GIPC2: variants seen among roughly 807,000 people sequenced by gnomAD.
The protein encoded by GIPC2 is PDZ domain-containing protein GIPC2.
GIPC2 carries 30 observed loss-of-function variants against 30.6 expected under a neutral mutation model. That is an observed-to-expected ratio of 0.98 (90% CI 0.73 to 1.33). GIPC2 has a LOEUF of 1.33. Ranked by LOEUF, GIPC2 falls within the 40% of genes most tolerant of loss-of-function variation. The probability of loss-of-function intolerance (pLI) is 0.00; values close to 1 mark genes in which losing one functional copy is unlikely to be tolerated. For synonymous variants in GIPC2, 167 were observed against 150.0 expected (o/e 1.11, Z -0.83); for missense variants, 414 against 390.3 (o/e 1.06, Z -0.51).
At chr1:78,131,051 G>C (rs941687430) in intron 5 of GIPC2, among the ~76,000 whole-genome samples, 3 of 152,086 alleles carry the variant, frequency 2.0e-5, no homozygotes, top group Non-Finnish European at 4.4e-5. Context: ...TGCCCAGGCT[G>C]ATCTCAAAAT....
intron 3 of GIPC2, among the ~76,000 whole-genome samples, chr1:78,098,920 A>G (rs2100386236): frequency 6.6e-6 from 1 of 152,214 alleles, no homozygotes; most frequent in East Asian, 1.9e-4. Context: ...GGCCTCTAGA[A>G]CTCTGAGAAA....
intron 3 of GIPC2, among the ~76,000 whole-genome samples, chr1:78,116,898 A>T (rs1345189444): frequency 6.6e-6 from 1 of 150,916 alleles, no homozygotes; most frequent in Non-Finnish European, 1.5e-5. Flanking sequence ...GTCAAATGGT[A>T]TTTCTAGTTC....
intron 3 of GIPC2, among the ~76,000 whole-genome samples, chr1:78,102,151 G>A (rs1329211239): frequency 1.3e-5 from 2 of 152,144 alleles, no homozygotes; most frequent in African/African-American, 4.8e-5. Context: ...AGCATTTATG[G>A]TCTTTATTTT....
intron 1 of GIPC2, among the ~76,000 whole-genome samples, chr1:78,068,086 A>G (rs1661552909): frequency 6.6e-6 from 1 of 152,220 alleles, no homozygotes; most frequent in South Asian, 2.1e-4. Context: ...CAATTTATTC[A>G]GAATTGTTTT....
intron 3 of GIPC2, among the ~76,000 whole-genome samples, chr1:78,105,659 A>T (rs1662336761): frequency 6.6e-6 from 1 of 152,162 alleles, no homozygotes; most frequent in African/African-American, 2.4e-5. Flanking sequence ...ATAGTTTTCA[A>T]CTGTTTTTAA....
intron 1 of GIPC2, among the ~76,000 whole-genome samples, chr1:78,063,063 A>G (rs1263496546): frequency 6.6e-6 from 1 of 152,182 alleles, no homozygotes; most frequent in African/African-American, 2.4e-5. Flanking sequence ...TCTAATAACA[A>G]ATATTTTGTG....
At position 78,046,263 on chromosome 1, in the gene GIPC2, G is replaced by A; in HGVS notation, c.169G>A (p.Val57Met). 1 of 1,611,730 alleles carries A rather than the reference G, an allele frequency of 6.2e-7. No homozygotes were observed. The highest frequency in any genetic ancestry group is 8.5e-7 in the Non-Finnish European group (1 of 1,179,394). The part of the protein sequence containing the change: ...QLAHGSATGR[V>M]EGFSSIQELY... ...GGCGCACGGTAGTGCCACGGGCCGAGTGGAGGGCTTCTCCAGCATCCAGGA... is the reference window on the plus strand; with the variant it reads ...GGCGCACGGTAGTGCCACGGGCCGAATGGAGGGCTTCTCCAGCATCCAGGA... Residue 57 changes from valine (V) to methionine (M), a missense_variant, in exon 1 of 6, where the codon GTG (valine) becomes ATG (methionine). By Grantham distance (21) the Val-to-Met change is conservative. Coordinates refer to ENST00000370759, the MANE Select transcript of GIPC2 (RefSeq NM_017655.6).
chr1:78,128,919 C>T (rs1454779589), intron 5 of GIPC2, among the ~76,000 whole-genome samples: 5 of 151,738 alleles, frequency 3.3e-5, no homozygotes, highest in Admixed American at 6.6e-5. Flanking sequence ...GCAGGAGGAT[C>T]GCTTGAGTCC....
chr1:78,091,651 G>T, intron 2 of GIPC2: 1 of 772,134 alleles, frequency 1.3e-6, no homozygotes, highest in East Asian at 2.4e-5. Context: ...GGAGAATATG[G>T]CATATGGATC....
intron 3 of GIPC2, among the ~76,000 whole-genome samples, chr1:78,097,016 CT>C (rs1276992890): frequency 1.3e-5 from 2 of 152,112 alleles, no homozygotes; most frequent in Non-Finnish European, 2.9e-5. Context: ...TCCTCCAGCC[CT>C]GAATTTTTCT....
At chr1:78,050,977 C>T (rs535664293) in intron 1 of GIPC2, among the ~76,000 whole-genome samples, 5 of 152,172 alleles carry the variant, frequency 3.3e-5, no homozygotes, top group East Asian at 3.9e-4. Context: ...ATGAAACTCT[C>T]GAGCTATGGT....
At chr1:78,058,567 A>G (rs1177282140) in intron 1 of GIPC2, among the ~76,000 whole-genome samples, 1 of 152,174 alleles carries the variant, frequency 6.6e-6, no homozygotes, top group Non-Finnish European at 1.5e-5. Context: ...TTGACAAGCT[A>G]GTGTGGGTTT....
intron 5 of GIPC2, among the ~76,000 whole-genome samples, chr1:78,129,581 G>T (rs1278739977): frequency 6.6e-6 from 1 of 152,176 alleles, no homozygotes; most frequent in African/African-American, 2.4e-5. Flanking sequence ...TTTTTGTAGA[G>T]AGTAATCCTG....
chr1:78,109,053 C>T (rs1019206819), intron 3 of GIPC2, among the ~76,000 whole-genome samples: 1 of 152,124 alleles, frequency 6.6e-6, no homozygotes, highest in African/African-American at 2.4e-5. Flanking sequence ...GTCTGATGTA[C>T]CTGATTCATC....
chr1:78,119,480 C>G lies in GIPC2; in HGVS notation c.695C>G (p.Pro232Arg). 6.2e-7 allele frequency: 1 copy of G among 1,606,534 alleles called. No individual in the cohort carries two copies. The highest frequency in any genetic ancestry group is 8.5e-7 in the Non-Finnish European group (1 of 1,173,230). ...RATLRLRSKG[P>R]ATVEEMPSET... ...ACACTTCGCCTGAGATCAAAAGGTC[C>G]TGCCACCGTGGAAGAAATGGTATGT... The change falls in exon 4 of 6, where the codon CCT (proline) becomes CGT (arginine). Residue 232 changes from proline (P) to arginine (R), a missense_variant. Coordinates refer to ENST00000370759, the MANE Select transcript of GIPC2 (RefSeq NM_017655.6).
intron 1 of GIPC2, 75 bp downstream of exon 1, chr1:78,046,409 A>T (rs959113333): frequency 1.5e-6 from 2 of 1,365,268 alleles, no homozygotes; most frequent in African/African-American, 2.9e-5. Context: ...CTGTGGGCCC[A>T]GGAGGGTTGA....
chr1:78,108,133 CATATT>C (rs1363284850), intron 3 of GIPC2, among the ~76,000 whole-genome samples: 1 of 152,118 alleles, frequency 6.6e-6, no homozygotes, highest in Non-Finnish European at 1.5e-5. Flanking sequence ...ATGATAAAAT[CATATT>C]ATAGGGTAAA....
chr1:78,118,721 A>C (rs1259719321), intron 3 of GIPC2, among the ~76,000 whole-genome samples: 1 of 152,072 alleles, frequency 6.6e-6, no homozygotes, highest in East Asian at 1.9e-4. Context: ...TTGTGCTTTC[A>C]AGAGGTGTGG....
At chr1:78,063,499 A>G (rs1448929864) in intron 1 of GIPC2, among the ~76,000 whole-genome samples, 1 of 139,436 alleles carries the variant, frequency 7.2e-6, no homozygotes, top group East Asian at 2.5e-4. Flanking sequence ...TCTCAAAAAA[A>G]CAAACAAAAA....
Sources: gnomAD v4.1 joint callset for allele counts (sites outside exome capture counted in the v4.1 genomes callset) on GRCh38, gnomAD v4.1.1 for gene constraint, MANE v1.5 for transcripts, NCBI Gene and HGNC (gene_info 2026-07-23, HGNC 2026-07-21) for gene names.